The following VPS8 variants were observed in gnomAD, a reference collection of about 807,000 sequenced individuals.
VPS8 encodes vacuolar protein sorting-associated protein 8 homolog.
A neutral mutation model predicts 216.4 loss-of-function variants in VPS8; 129 were observed. The ratio of observed to expected loss-of-function variants is 0.60; its 90% CI spans 0.52 to 0.69. The LOEUF (loss-of-function observed/expected upper bound fraction) is 0.69, where lower values mean the gene tolerates loss of function less well. VPS8 is among the 30% of genes least tolerant of loss of function. The probability of loss-of-function intolerance (pLI) is 0.00; values close to 1 mark genes in which losing one functional copy is unlikely to be tolerated. For synonymous variants in VPS8, 571 were observed against 565.4 expected (o/e 1.01, Z -0.14); for missense variants, 1,531 against 1,683.5 (o/e 0.91, Z 1.59).
At chr3:184,966,141 C>T (rs1417417706) in intron 38 of VPS8, among the ~76,000 whole-genome samples, 2 of 152,122 alleles carry the variant, frequency 1.3e-5, no homozygotes, top group Non-Finnish European at 2.9e-5. Context: ...TAAAGGAGAG[C>T]TGACGTGTCA....
At chr3:184,831,001 A>G (rs979665374) in intron 3 of VPS8, among the ~76,000 whole-genome samples, 1 of 152,220 alleles carries the variant, frequency 6.6e-6, no homozygotes, top group Admixed American at 6.5e-5. Context: ...TAGGAAGTCC[A>G]TGAAGTAGGA....
At chr3:185,004,103 C>G (rs889419317) in intron 45 of VPS8, among the ~76,000 whole-genome samples, 1 of 152,220 alleles carries the variant, frequency 6.6e-6, no homozygotes, top group African/African-American at 2.4e-5. Context: ...GCTGCAATCT[C>G]GGCACCCCGG....
chr3:185,039,577 G>A (rs1217895428), intron 46 of VPS8, among the ~76,000 whole-genome samples: 1 of 152,026 alleles, frequency 6.6e-6, no homozygotes, highest in Non-Finnish European at 1.5e-5. Flanking sequence ...GACTAACAGG[G>A]AGACAGGAGT....
chr3:184,886,483 G>A (rs1231126914), intron 22 of VPS8, among the ~76,000 whole-genome samples: 6 of 147,556 alleles, frequency 4.1e-5, no homozygotes, highest in African/African-American at 1.2e-4. Flanking sequence ...ACACACACAC[G>A]CATATATACA....
At chr3:184,893,784 G>GAC (rs1359077155) in intron 22 of VPS8, among the ~76,000 whole-genome samples, 1 of 152,160 alleles carries the variant, frequency 6.6e-6, no homozygotes, top group Non-Finnish European at 1.5e-5. Flanking sequence ...GTTCATTGTA[G>GAC]TATCACTTGA....
At chr3:184,838,603 C>T (rs1721550808) in intron 5 of VPS8, 111 bp from the exon 6 acceptor site, 1 of 844,930 alleles carries the variant, frequency 1.2e-6, no homozygotes, top group Non-Finnish European at 1.8e-6. Context: ...AAAGGTTCTA[C>T]CTCTAATCTA....
chr3:184,818,029 A>T (rs753939315), intron 1 of VPS8, among the ~76,000 whole-genome samples: 4 of 152,202 alleles, frequency 2.6e-5, no homozygotes, highest in Non-Finnish European at 5.9e-5. Context: ...AGTTAGATAA[A>T]TGTAGAGAAA....
At chr3:185,040,854 C>G (rs768408244) in intron 46 of VPS8, among the ~76,000 whole-genome samples, 3 of 152,096 alleles carry the variant, frequency 2.0e-5, no homozygotes, top group Non-Finnish European at 2.9e-5. Context: ...TTTTTTTCCT[C>G]CCAAGGATAG....
intron 4 of VPS8, 144 bp downstream of exon 4, chr3:184,832,963 G>C (rs1164990308): frequency 3.0e-6 from 3 of 1,012,260 alleles, no homozygotes. Flanking sequence ...GAAAATTTTG[G>C]TACCATTAAG....
chr3:184,849,012 C>A (rs951987470), intron 8 of VPS8, 59 bp from the exon 9 acceptor site: 6 of 1,587,598 alleles, frequency 3.8e-6, no homozygotes, highest in Non-Finnish European at 4.3e-6. Flanking sequence ...CATGCCTGTA[C>A]TCGATGTATT....
chr3:184,901,529 T>C (rs1468176011), intron 25 of VPS8, among the ~76,000 whole-genome samples: 1 of 151,648 alleles, frequency 6.6e-6, no homozygotes, highest in Non-Finnish European at 1.5e-5. Context: ...TTTTTTTTTT[T>C]AGTTAAACTT....
chr3:184,855,980 GT>G (rs1339905959), intron 14 of VPS8, among the ~76,000 whole-genome samples, 162 bp downstream of exon 14: 1 of 152,136 alleles, frequency 6.6e-6, no homozygotes, highest in African/African-American at 2.4e-5. Context: ...TCGGAAAATG[GT>G]GATCACTCTC....
chr3:184,997,012 C>T (rs980369453), intron 44 of VPS8, among the ~76,000 whole-genome samples: 1 of 152,174 alleles, frequency 6.6e-6, no homozygotes, highest in South Asian at 2.1e-4. Flanking sequence ...TTTTGTCTTG[C>T]ACGTGTTAGG....
In VPS8 at chr3:184,999,773, C is replaced by G. The variant is rs374995213; in HGVS notation, c.3914C>G (p.Thr1305Arg). The G allele has an allele frequency of 1.9e-6, 3 of 1,612,986 alleles. No individual in the cohort carries two copies. The highest frequency in any genetic ancestry group is 2.5e-6 in the Non-Finnish European group (3 of 1,179,612). The change falls in exon 45 of 48, where the codon ACA (threonine) becomes AGA (arginine). Residue 1305 changes from threonine (T) to arginine (R), a missense_variant. Physicochemically the swap from Thr to Arg is moderately conservative, Grantham distance 71. Around this residue, in one of 3 missense-constraint regions of VPS8, gnomAD observed 1,318 missense variants for 1,468.4 expected, o/e 0.90. Transcript: ENST00000625842. ...TVEFEGQTRW[T>R]CYKCSSSNKV... Reference sequence around the variant, plus strand: ...GAATTTGAGGGCCAAACAAGATGGACATGCTACAAATGCAGTTCAAGTAAC... The same window carrying G: ...GAATTTGAGGGCCAAACAAGATGGAGATGCTACAAATGCAGTTCAAGTAAC...
chr3:184,901,198 A>T (rs368610689), intron 25 of VPS8: 1 of 477,304 alleles, frequency 2.1e-6, no homozygotes. Context: ...TGCTCTGGGC[A>T]GTCACTGATC....
In VPS8 at chr3:184,865,815, C is replaced by T. The variant is rs147942442; in HGVS notation, c.1396-1061C>T. ...CCAGCCTGGCCAACGTAGTGAAACC[C>T]TGTTTCTACTAAAAATACAAAAATT... On this transcript the variant is annotated intron_variant, in intron 16 of 47. Coordinates refer to ENST00000625842, the MANE Select transcript of VPS8 (RefSeq NM_001009921.3). 9.9e-3 allele frequency among the ~76,000 whole-genome samples: 1,502 copies of T among 152,130 alleles called. 36 individuals carry two copies. Among genetic ancestry groups the T allele is most frequent in the African/African-American group, 0.035 (1,435 of 41,490 alleles).
chr3:184,922,024 G>A (rs1000898946), intron 29 of VPS8, among the ~76,000 whole-genome samples: 2 of 152,004 alleles, frequency 1.3e-5, no homozygotes, highest in East Asian at 1.9e-4. Flanking sequence ...CATCCATCTC[G>A]TCATCCTACC....
At chr3:185,050,810 C>A (rs984728758) in intron 47 of VPS8, among the ~76,000 whole-genome samples, 1 of 152,144 alleles carries the variant, frequency 6.6e-6, no homozygotes, top group African/African-American at 2.4e-5. Flanking sequence ...CTGTACACTC[C>A]CCATGGACCA....
chr3:184,873,740 C>T (rs2108794766), intron 21 of VPS8, among the ~76,000 whole-genome samples: 1 of 152,150 alleles, frequency 6.6e-6, no homozygotes, highest in Non-Finnish European at 1.5e-5. Context: ...AAAACTGAAG[C>T]CGACCATATG....
Sources: allele counts gnomAD v4.1 joint callset (sites outside exome capture counted in the v4.1 genomes callset), GRCh38; gene constraint gnomAD v4.1.1; regional missense constraint gnomAD v4.1.1; transcripts MANE v1.5; gene names NCBI Gene and HGNC (gene_info 2026-07-23, HGNC 2026-07-21).